OR2L5: variants seen among roughly 807,000 people sequenced by gnomAD.
OR2L5 encodes olfactory receptor 2L5.
For missense variants in OR2L5, 413 were observed against 381.6 expected (o/e 1.08, Z -0.69); for synonymous variants, 169 against 142.0 (o/e 1.19, Z -1.35).
chr1:248,020,352 A>G (rs948036792), intron 1 of OR2L5, among the ~76,000 whole-genome samples: 1 of 152,158 alleles, frequency 6.6e-6, no homozygotes, highest in Admixed American at 6.5e-5. Context: ...GAAAACTCCT[A>G]GAACTAAAAA....
In OR2L5 at chr1:248,023,059, G is replaced by T. The variant is rs912419511; in HGVS notation, c.*173G>T. On this transcript the variant is annotated 3_prime_UTR_variant, in exon 2 of 2. Transcript: ENST00000355281. ...TTGCATATTCTAAGACATCTATTTT[G>T]TTTCTGTTTGTGTTTCTTTTTATCA... is the stretch of plus-strand genomic sequence containing the variant. 8.9e-6 allele frequency: 5 copies of T among 564,008 alleles called. No individual in the cohort carries two copies. Among genetic ancestry groups the T allele is most frequent in the East Asian group, 3.2e-5 (1 of 31,362 alleles). 34.9% of individuals were successfully genotyped at this position (564,008 alleles called of 1,614,324 possible).
Position 248,023,002 on chromosome 1 carries a change from GT to G in OR2L5, c.*119del. 1 of 976,350 alleles carries G rather than the reference GT, an allele frequency of 1.0e-6. No individual in the cohort carries two copies. The highest frequency in any genetic ancestry group is 1.5e-6 in the Non-Finnish European group (1 of 672,396). 60.5% of individuals were successfully genotyped at this position (976,350 alleles called of 1,614,324 possible). On this transcript the variant is annotated 3_prime_UTR_variant, in exon 2 of 2. Coordinates refer to ENST00000355281, the MANE Select transcript of OR2L5 (RefSeq NM_001258284.2). ...TGTCAAACAGAGATTAATCCAGAATGTTTGTCTTTTAATTTAGTCTTGACAT... is the reference window on the plus strand; with the variant it reads ...TGTCAAACAGAGATTAATCCAGAATGTTGTCTTTTAATTTAGTCTTGACAT...
At chr1:248,017,148 T>C (rs1662218913) in intron 1 of OR2L5, among the ~76,000 whole-genome samples, 1 of 152,212 alleles carries the variant, frequency 6.6e-6, no homozygotes. Context: ...CCCAGGTATA[T>C]ACATTTTAGA....
chr1:248,019,418 T>C (rs1419204019), intron 1 of OR2L5, among the ~76,000 whole-genome samples: 1 of 152,170 alleles, frequency 6.6e-6, no homozygotes, highest in Non-Finnish European at 1.5e-5. Context: ...ATGAAACCCA[T>C]CATAAATCGA....
In OR2L5 at chr1:248,013,741, A is replaced by G. The variant is rs1473065457; in HGVS notation, c.-22+3A>G. On this transcript the variant is annotated splice_donor_region_variant and intron_variant, in intron 1 of 1. Transcript: ENST00000355281. ...TGAAATTGAGGAGATAATAAAAGGT[A>G]CTGATTATATTTGTATTTTAAAATT... The G allele has an allele frequency of 6.6e-6, 1 of 152,174 alleles. No homozygotes were observed. The highest frequency in any genetic ancestry group is 1.5e-5 in the Non-Finnish European group (1 of 68,022). 9.4% of individuals were successfully genotyped at this position (152,174 alleles called of 1,614,324 possible).
rs1463389991 is a variant in OR2L5 at position 248,022,568 on chromosome 1, G to T, written c.621G>T (p.Val207=). Residue 207 remains valine, a synonymous_variant, in exon 2 of 2, where the codon GTG becomes GTT. Transcript: ENST00000355281. Reference sequence around the variant, plus strand: ...TTTTGAGCAGCACCATCTTTCTTGTGTTTCCCTTCACTGGCATTGCGTGTT... The same window carrying T: ...TTTTGAGCAGCACCATCTTTCTTGTTTTTCCCTTCACTGGCATTGCGTGTT... The part of the protein sequence containing the change: ...TVFLSSTIFL[V]FPFTGIACSY... The T allele has an allele frequency of 1.2e-6, 2 of 1,614,136 alleles. No individual in the cohort carries two copies. The highest frequency in any genetic ancestry group is 1.3e-5 in the African/African-American group (1 of 75,028).
chr1:248,016,189 T>C (rs1465924085), intron 1 of OR2L5, among the ~76,000 whole-genome samples: 1 of 152,222 alleles, frequency 6.6e-6, no homozygotes, highest in Non-Finnish European at 1.5e-5. Flanking sequence ...AATGATACAT[T>C]CTGACTTCAA....
In OR2L5 at chr1:248,022,524, G is replaced by T. The variant is rs1219959983; in HGVS notation, c.577G>T (p.Val193Phe). 1.2e-6 allele frequency: 2 copies of T among 1,613,988 alleles called. No individual in the cohort carries two copies. Among genetic ancestry groups the T allele is most frequent in the African/African-American group, 1.3e-5 (1 of 74,888 alleles). The part of the protein sequence containing the change: ...MLTLACTDTW[V>F]YEYTVFLSST... ...GACATTAGCCTGTACAGACACCTGG[G>T]TCTATGAGTACACAGTGTTTTTGAG... The change falls in exon 2 of 2, where the codon GTC (valine) becomes TTC (phenylalanine). Residue 193 changes from valine (V) to phenylalanine (F), a missense_variant. By Grantham distance (50) the Val-to-Phe change is conservative. Transcript: ENST00000355281.
Position 248,022,043 on chromosome 1 carries a change from C to A in OR2L5, c.96C>A (p.Leu32=). The A allele has an allele frequency of 6.2e-7, 1 of 1,613,970 alleles. No homozygotes were observed. The highest frequency in any genetic ancestry group is 8.5e-7 in the Non-Finnish European group (1 of 1,179,864). Residue 32 remains leucine, a synonymous_variant, in exon 2 of 2, where the codon CTC becomes CTA. Transcript: ENST00000355281. ...TTTTCCTCTTCATTCTCTTTGTTCT[C>A]ATTTTCCTAATGGCTCTAATTGGAA... ...IGLFLFILFV[L]IFLMALIGNL...
Position 248,013,673 on chromosome 1 carries a change from A to C in OR2L5, c.-87A>C, listed in dbSNP as rs1344963391. On this transcript the variant is annotated 5_prime_UTR_variant, in exon 1 of 2. It removes an upstream start codon present in the reference 5' UTR. Transcript: ENST00000355281. ...TTAGAAAAATGACTTTGTTCATATG[A>C]TGACTATACGACTGCTGGCAGCCAA... 6.6e-6 allele frequency: 1 copy of C among 152,132 alleles called. No individual in the cohort carries two copies. The highest frequency in any genetic ancestry group is 1.5e-5 in the Non-Finnish European group (1 of 68,010). The allele number at this position is 152,132 out of a possible 1,614,324, so 9.4% of individuals were successfully genotyped here. A position where few individuals can be genotyped will look rare whatever the true frequency, so the allele number is the denominator to read the frequency against.
At chr1:248,015,137 T>G (rs547034027) in intron 1 of OR2L5, among the ~76,000 whole-genome samples, 3 of 152,316 alleles carry the variant, frequency 2.0e-5, no homozygotes, top group Admixed American at 1.3e-4. Context: ...CTTCACTCCT[T>G]TACACCTTAA....
intron 1 of OR2L5, among the ~76,000 whole-genome samples, chr1:248,020,063 G>C (rs1662297871): frequency 1.3e-5 from 2 of 152,146 alleles, no homozygotes; most frequent in Admixed American, 6.5e-5. Context: ...GATTACAGGT[G>C]TGAACAAACG....
At chr1:248,016,848 T>A (rs1354138941) in intron 1 of OR2L5, among the ~76,000 whole-genome samples, 1 of 152,126 alleles carries the variant, frequency 6.6e-6, no homozygotes, top group South Asian at 2.1e-4. Flanking sequence ...GTAGAGAAGT[T>A]CACTTACAAC....
At chr1:248,014,431 G>A (rs549736437) in intron 1 of OR2L5, among the ~76,000 whole-genome samples, 134 of 152,162 alleles carry the variant, frequency 8.8e-4, no homozygotes, top group African/African-American at 3.1e-3. Flanking sequence ...CACCCAATTT[G>A]TGACAAATTG....
rs1359371708 is a variant in OR2L5 at position 248,024,032 on chromosome 1, ATTAAT to A, written c.*1149_*1153del. 1 of 152,060 alleles carries A rather than the reference ATTAAT, an allele frequency of 6.6e-6. No homozygotes were observed. 9.4% of individuals were successfully genotyped at this position (152,060 alleles called of 1,614,324 possible). On this transcript the variant is annotated 3_prime_UTR_variant, in exon 2 of 2. Coordinates refer to ENST00000355281, the MANE Select transcript of OR2L5 (RefSeq NM_001258284.2). ...AAATATATTTTTATTTTTATTTGTT[ATTAAT>A]TTTATTTGTTTATTTTGTTTATTTT...
At chr1:248,020,655 T>C (rs547522521) in intron 1 of OR2L5, among the ~76,000 whole-genome samples, 45 of 152,276 alleles carry the variant, frequency 3.0e-4, no homozygotes, top group African/African-American at 8.9e-4. Context: ...GACTGTGAGT[T>C]ACATTTTGTG....
Position 248,023,263 on chromosome 1 carries a change from C to G in OR2L5, c.*377C>G, listed in dbSNP as rs1662392843. 6.4e-6 allele frequency: 1 copy of G among 156,744 alleles called. No homozygotes were observed. The highest frequency in any genetic ancestry group is 2.4e-5 in the African/African-American group (1 of 41,032). 9.7% of individuals were successfully genotyped at this position (156,744 alleles called of 1,614,324 possible). A position where few individuals can be genotyped will look rare whatever the true frequency, so the allele number is the denominator to read the frequency against. On this transcript the variant is annotated 3_prime_UTR_variant, in exon 2 of 2. Transcript: ENST00000355281. ...AACAAATTATTTAAGATTACTGAAT[C>G]TAATTGAATATTAAATAATATTTTA...
chr1:248,016,748 T>G (rs1297270257), intron 1 of OR2L5, among the ~76,000 whole-genome samples: 1 of 151,990 alleles, frequency 6.6e-6, no homozygotes, highest in Non-Finnish European at 1.5e-5. Flanking sequence ...TTTATTTATA[T>G]GTTTTCATAG....
intron 1 of OR2L5, among the ~76,000 whole-genome samples, chr1:248,015,349 C>T (rs76242125): frequency 0.083 from 12,618 of 152,086 alleles, 661 homozygotes; most frequent in East Asian, 0.16. Context: ...TGTGGAGAGC[C>T]GTCCTTGCCT....
Sources: gnomAD v4.1 joint callset for allele counts (sites outside exome capture counted in the v4.1 genomes callset) on GRCh38, gnomAD v4.1.1 for gene constraint, MANE v1.5 for transcripts, NCBI Gene and HGNC (gene_info 2026-07-23, HGNC 2026-07-21) for gene names.